Variants in SLC38A7 observed in about 807,000 individuals in gnomAD.
The protein encoded by SLC38A7 is solute carrier family 38 member 7, also known as sodium-coupled neutral amino acid transporter 7.
Under a neutral mutation model 50.1 loss-of-function variants are expected in SLC38A7, and 29 were observed. That is an observed-to-expected ratio of 0.58 (90% CI 0.43 to 0.79). SLC38A7 has a LOEUF of 0.79. Among genes scored for constraint, SLC38A7 ranks in the 30% least tolerant of loss-of-function variants. The probability of loss-of-function intolerance (pLI) is 0.00; values close to 1 mark genes in which losing one functional copy is unlikely to be tolerated. For missense variants in SLC38A7, 483 were observed against 610.6 expected, an observed-to-expected ratio of 0.79 and a Z score of 2.20; for synonymous variants, 244 against 245.9, an observed-to-expected ratio of 0.99 and a Z score of 0.07.
chr16:58,681,652 A>G (rs2044390112), intron 2 of SLC38A7: 2 of 152,266 alleles, frequency 1.3e-5, no homozygotes, highest in Admixed American at 6.5e-5. Flanking sequence ...TCCGCTGCCT[A>G]TCTGTGTGAC....
intron 6 of SLC38A7, 38 bp from the exon 7 acceptor site, chr16:58,676,384 C>A (rs1293684423): frequency 1.2e-6 from 2 of 1,612,826 alleles, no homozygotes; most frequent in Non-Finnish European, 1.7e-6. Context: ...ACCTGGGAAC[C>A]CCTCAGAGCC....
chr16:58,682,019 T>G (rs1359504460), intron 2 of SLC38A7: 2 of 152,132 alleles, frequency 1.3e-5, no homozygotes, highest in Non-Finnish European at 2.9e-5. Flanking sequence ...TAGCCAGGTG[T>G]GGTGGTGCAC....
rs1204568981 is a variant in SLC38A7, at chr16:58,675,973, T to C, written c.850A>G (p.Met284Val). Residue 284 changes from methionine to valine, a missense_variant, in exon 8 of 12, where the codon ATG becomes GTG. Transcript: ENST00000219320. The stretch of plus-strand genomic sequence containing the variant: ...ATGTAGACAGCGAGGGCTATGACCA[T>C]GGCAGCTGTCACCACTCCACCCCAG... Reference protein sequence around the residue: ...KTWGGVVTAAMVIALAVYMGT... With the variant: ...KTWGGVVTAAVVIALAVYMGT... The C allele has an allele frequency of 6.2e-7, 1 of 1,613,486 alleles. No individual in the cohort carries two copies. Among genetic ancestry groups the C allele is most frequent in the South Asian group, 1.1e-5 (1 of 90,928 alleles).
chr16:58,669,953 C>T (rs556511171), intron 11 of SLC38A7, among the ~76,000 whole-genome samples, 160 bp downstream of exon 11: 13 of 150,014 alleles, frequency 8.7e-5, no homozygotes, highest in South Asian at 2.1e-4. Flanking sequence ...CCAGGCTGGG[C>T]GACACAGCGA....
chr16:58,673,385 G>A (rs999645738), intron 8 of SLC38A7, among the ~76,000 whole-genome samples: 3 of 151,352 alleles, frequency 2.0e-5, no homozygotes, highest in Non-Finnish European at 2.9e-5. Context: ...ACAGGCGCCC[G>A]CCACCAAGCC....
At position 58,677,655 on chromosome 16, in the gene SLC38A7, G is replaced by A. The variant is rs1040882060; in HGVS notation, c.612-231C>T. ...ACCTGATCAGCATTCCTGGCCATCA[G>A]GAAGTGCTGGTTCAGCTCCATGGCT... On this transcript the variant is annotated intron_variant, in intron 5 of 11. Transcript: ENST00000219320. 6 of 527,070 alleles carry A rather than the reference G, an allele frequency of 1.1e-5. No homozygotes were observed. In the South Asian group the frequency reaches 1.3e-4, roughly 11 times the overall value. 32.6% of individuals were successfully genotyped at this position (527,070 alleles called of 1,614,324 possible).
intron 8 of SLC38A7, 78 bp from the exon 9 acceptor site, chr16:58,672,321 A>G (rs1271804747): frequency 2.8e-6 from 4 of 1,437,744 alleles, no homozygotes; most frequent in Non-Finnish European, 3.8e-6. Flanking sequence ...TAGGAGCAAC[A>G]TCAGCCTGGA....
chr16:58,678,431 A>G lies in SLC38A7; in HGVS notation c.513T>C (p.Pro171=). The change falls in exon 5 of 12, where the codon CCT becomes CCC. Residue 171 remains proline (P), a synonymous_variant. Transcript: ENST00000219320. The surrounding 1 kb of genome is among the most constrained non-coding windows in gnomAD (Gnocchi z 4.0). Reference sequence around the variant, plus strand: ...TGGTGAACTTGCGGTCTGTGTACCAAGGGCCGCTGGCCCCCTCCGGCTCTT... The same window carrying G: ...TGGTGAACTTGCGGTCTGTGTACCAGGGGCCGCTGGCCCCCTCCGGCTCTT... ...MAKEPEGASG[P]WYTDRKFTIS... 2 of 1,587,164 alleles carry G rather than the reference A, an allele frequency of 1.3e-6. No homozygotes were observed. The highest frequency in any genetic ancestry group is 1.7e-6 in the Non-Finnish European group (2 of 1,166,388).
Position 58,680,094 on chromosome 16 carries a change from G to A in SLC38A7, c.33C>T (p.Ser11=), listed in dbSNP as rs34698978. Residue 11 remains serine (S), a synonymous_variant, in exon 3 of 12, where the codon AGC becomes AGT. Coordinates refer to ENST00000219320, the MANE Select transcript of SLC38A7 (RefSeq NM_018231.3). MAQVSINNDY[S]EWDLSTDAGE... ...CGGCATCCGTGCTCAAGTCCCACTC[G>A]CTGTAGTCATTGTTGATGCTGACCT... 0.017 allele frequency: 25,880 copies of A among 1,549,508 alleles called. 3,291 individuals carry two copies. In the African/African-American group the frequency reaches 0.29, roughly 18 times the overall value.
chr16:58,676,116 A>C (rs2044261081), intron 7 of SLC38A7, 62 bp from the exon 8 acceptor site: 1 of 1,575,822 alleles, frequency 6.3e-7, no homozygotes, highest in African/African-American at 1.3e-5. Context: ...TTCCAGAGGA[A>C]GGTACCTTGG....
At chr16:58,668,637 G>A (rs76733922) in intron 11 of SLC38A7, among the ~76,000 whole-genome samples, 115 of 147,202 alleles carry the variant, frequency 7.8e-4, no homozygotes, top group Middle Eastern at 3.5e-3. Context: ...GCTTGAACCC[G>A]GGAGGTGGAG....
At chr16:58,668,892 C>G (rs974276734) in intron 11 of SLC38A7, among the ~76,000 whole-genome samples, 55 of 142,348 alleles carry the variant, frequency 3.9e-4, no homozygotes, top group Admixed American at 2.2e-3. Flanking sequence ...CCTACCTCAG[C>G]CTCCCGAGCT....
chr16:58,671,572 G>GT, intron 9 of SLC38A7: 3 of 385,810 alleles, frequency 7.8e-6, no homozygotes, highest in Non-Finnish European at 9.5e-6. Flanking sequence ...TTTGTTTTTT[G>GT]TTTTTTTGAG....
rs190539603 is a variant in SLC38A7, at chr16:58,665,894, A to G, written c.*1491T>C. 2.6e-5 allele frequency: 4 copies of G among 152,530 alleles called. No individual in the cohort carries two copies. The highest frequency in any genetic ancestry group is 4.4e-5 in the Non-Finnish European group (3 of 68,254). 9.4% of individuals were successfully genotyped at this position (152,530 alleles called of 1,614,324 possible). ...GGTAAGAGAGCCCCCACTGTCCCCA[A>G]TTATGTGCGTGGGAGAGACTGAGCT... On this transcript the variant is annotated 3_prime_UTR_variant, in exon 12 of 12. Coordinates refer to ENST00000219320, the MANE Select transcript of SLC38A7 (RefSeq NM_018231.3).
At chr16:58,676,636 G>GT (rs1004591255) in intron 6 of SLC38A7, among the ~76,000 whole-genome samples, 23 of 151,914 alleles carry the variant, frequency 1.5e-4, no homozygotes, top group African/African-American at 5.3e-4. Flanking sequence ...GAAGGAAATT[G>GT]TTTTTTTTGT....
chr16:58,683,364 CCATCCA>C (rs2044432251), intron 2 of SLC38A7, among the ~76,000 whole-genome samples: 1 of 152,136 alleles, frequency 6.6e-6, no homozygotes. Flanking sequence ...AAGCTGGGGA[CCATCCA>C]CTCATGAGAG....
chr16:58,676,255 G>C, intron 7 of SLC38A7, 34 bp downstream of exon 7: 3 of 1,614,070 alleles, frequency 1.9e-6, no homozygotes, highest in Non-Finnish European at 2.5e-6. Flanking sequence ...GTGATCTAAG[G>C]GGACAGCAGG....
chr16:58,683,131 G>T (rs1019686147), intron 2 of SLC38A7, among the ~76,000 whole-genome samples: 1 of 151,986 alleles, frequency 6.6e-6, no homozygotes, highest in Non-Finnish European at 1.5e-5. Flanking sequence ...CTGCTGCCTC[G>T]GCCTCCCAAA....
Position 58,684,090 on chromosome 16 carries a change from G to C in SLC38A7, c.-251C>G, listed in dbSNP as rs1014428989. 1 of 152,406 alleles carries C rather than the reference G, an allele frequency of 6.6e-6. No homozygotes were observed. 9.4% of individuals were successfully genotyped at this position (152,406 alleles called of 1,614,324 possible). On this transcript the variant is annotated 5_prime_UTR_variant, in exon 2 of 12. Transcript: ENST00000219320. ...AGACTTTGCCTAAAATTTGCTGTCA[G>C]CAGAGGGAAGAGTTTGGGCTACTTC...
Sources: gnomAD v4.1 joint callset for allele counts (sites outside exome capture counted in the v4.1 genomes callset) on GRCh38, gnomAD v4.1.1 for gene constraint, Gnocchi (gnomAD v3.1) non-coding constraint, MANE v1.5 for transcripts, NCBI Gene and HGNC (gene_info 2026-07-23, HGNC 2026-07-21) for gene names.